Variants in IRAK4 observed in about 807,000 individuals in gnomAD.
The protein encoded by IRAK4 is interleukin-1 receptor-associated kinase 4.
A neutral mutation model predicts 51.8 loss-of-function variants in IRAK4; 44 were observed. The ratio of observed to expected loss-of-function variants is 0.85; its 90% CI spans 0.67 to 1.09. IRAK4 has a LOEUF of 1.09. Among genes scored for constraint, IRAK4 ranks in the 50% least tolerant of loss-of-function variants. IRAK4 has a pLI of 0.00. For missense variants in IRAK4, 487 were observed against 538.0 expected (o/e 0.91, Z 0.94); for synonymous variants, 149 against 174.1 (o/e 0.86, Z 1.13).
chr12:43,776,969 G>A lies in IRAK4; in HGVS notation c.717-661G>A, dbSNP rs61933172. Among the ~76,000 whole-genome samples, 556 of 152,244 alleles carry A rather than the reference G, an allele frequency of 3.7e-3. 2 individuals carry two copies. Among genetic ancestry groups the A allele is most frequent in the Admixed American group, 7.5e-3 (115 of 15,288 alleles). On this transcript the variant is annotated intron_variant, in intron 6 of 11. Transcript: ENST00000613694. Reference sequence around the variant, plus strand: ...GACAGTATTAGCATAAAAATTCAACGGACTTCTTGAAATCTTATTTGTGCC... The same window carrying A: ...GACAGTATTAGCATAAAAATTCAACAGACTTCTTGAAATCTTATTTGTGCC...
intron 1 of IRAK4, among the ~76,000 whole-genome samples, chr12:43,765,237 T>C (rs1291150360): frequency 2.0e-5 from 3 of 152,244 alleles, no homozygotes; most frequent in Non-Finnish European, 2.9e-5. Flanking sequence ...TAGTTGTCTA[T>C]GGTGTTCACT....
chr12:43,768,426 T>G, intron 2 of IRAK4, 154 bp downstream of exon 2: 1 of 609,300 alleles, frequency 1.6e-6, no homozygotes, highest in Non-Finnish European at 2.9e-6. Context: ...TGATTGTTCC[T>G]TTTGCAGTTT....
rs1388998649 is a variant in IRAK4, at chr12:43,768,150, C to A, written c.39C>A (p.Cys13Ter). 6.2e-7 allele frequency: 1 copy of A among 1,613,588 alleles called. No individual in the cohort carries two copies. The highest frequency in any genetic ancestry group is 8.5e-7 in the Non-Finnish European group (1 of 1,179,748). Residue 13 changes from cysteine to a stop codon, truncating the protein, a stop_gained, in exon 2 of 12, where the codon TGC (cysteine) becomes TGA (stop). Coordinates refer to ENST00000613694, the MANE Select transcript of IRAK4 (RefSeq NM_016123.4). LOFTEE classifies it high-confidence loss of function. The stretch of plus-strand genomic sequence containing the variant: ...TAACACCATCAACATATGTGCGCTG[C>A]CTCAATGTTGGACTAATTAGGAAGC... ...KPITPSTYVRCLNVGLIRKLS... is the reference protein window; with the variant it reads ...KPITPSTYVR
At chr12:43,779,774 A>G (rs1024257885) in intron 8 of IRAK4, among the ~76,000 whole-genome samples, 3 of 152,174 alleles carry the variant, frequency 2.0e-5, no homozygotes, top group Non-Finnish European at 4.4e-5. Context: ...TCTCTTTTGT[A>G]CATGTTGTGT....
intron 3 of IRAK4, 117 bp downstream of exon 3, chr12:43,771,482 A>G: frequency 9.2e-7 from 1 of 1,091,400 alleles, no homozygotes; most frequent in Non-Finnish European, 1.4e-6. Flanking sequence ...TACATTTGAG[A>G]GTCCCTTTCT....
chr12:43,759,524 G>A (rs1313069937), intron 1 of IRAK4: 4 of 152,256 alleles, frequency 2.6e-5, no homozygotes, highest in African/African-American at 9.7e-5. Flanking sequence ...TCGCAGATGG[G>A]GGAAAAAAGT....
At chr12:43,783,405 C>T (rs924338813) in intron 9 of IRAK4, among the ~76,000 whole-genome samples, 1 of 152,086 alleles carries the variant, frequency 6.6e-6, no homozygotes, top group Non-Finnish European at 1.5e-5. Context: ...GTAGCCTCAA[C>T]CTCCCAGGTT....
intron 6 of IRAK4, 33 bp from the exon 7 acceptor site, chr12:43,777,597 T>C (rs1592244679): frequency 6.4e-7 from 1 of 1,573,554 alleles, no homozygotes; most frequent in South Asian, 1.2e-5. Context: ...ATATTTATTA[T>C]AATAATTTTG....
At chr12:43,773,096 AAAG>A in intron 5 of IRAK4, 24 bp downstream of exon 5, 1 of 1,608,260 alleles carries the variant, frequency 6.2e-7, no homozygotes, top group East Asian at 2.2e-5. Flanking sequence ...TCAGGAATAA[AAAG>A]AAAGAGTTGC....
intron 5 of IRAK4, 56 bp from the exon 6 acceptor site, chr12:43,773,909 G>T: frequency 8.9e-7 from 1 of 1,125,320 alleles, no homozygotes; most frequent in South Asian, 1.3e-5. Context: ...TGATCCCTCT[G>T]AGCATTAGGA....
Position 43,772,336 on chromosome 12 carries a change from A to G in IRAK4, c.464A>G (p.Asn155Ser). The change falls in exon 4 of 12, where the codon AAT (asparagine) becomes AGT (serine). Residue 155 changes from asparagine (N) to serine (S), a missense_variant. Transcript: ENST00000613694. ...YMPPDSSSPE[N>S]KSLEVSDTRF... ...CCACCTGACTCCTCAAGTCCAGAAA[A>G]TAAAAGTTTAGAAGTTAGTGATACA... 1 of 1,613,304 alleles carries G rather than the reference A, an allele frequency of 6.2e-7. No individual in the cohort carries two copies. The highest frequency in any genetic ancestry group is 8.5e-7 in the Non-Finnish European group (1 of 1,179,934).
chr12:43,782,290 C>T lies in IRAK4; in HGVS notation c.942-17C>T, dbSNP rs899614885. The T allele has an allele frequency of 2.5e-6, 4 of 1,596,190 alleles. No individual in the cohort carries two copies. The African/African-American group carries it at 4.0e-5, about 16-fold the overall frequency. On this transcript the variant is annotated splice_polypyrimidine_tract_variant and intron_variant, in intron 8 of 11. Coordinates refer to ENST00000613694, the MANE Select transcript of IRAK4 (RefSeq NM_016123.4). ...TGGGAAAAACATTTTTTTCTTCAAA[C>T]TTTACATTTTTTTCAGTGCAAATAT... is the stretch of plus-strand genomic sequence containing the variant.
chr12:43,777,758 T>C lies in IRAK4; in HGVS notation c.831+14T>C. On this transcript the variant is annotated intron_variant, in intron 7 of 11. Transcript: ENST00000613694. Reference sequence around the variant, plus strand: ...CTCTCTTGCTTGGTAAGCTATTTGTTCATCAGATTGTTTGGCTTTTTGTTT... The same window carrying C: ...CTCTCTTGCTTGGTAAGCTATTTGTCCATCAGATTGTTTGGCTTTTTGTTT... 6.3e-7 allele frequency: 1 copy of C among 1,591,138 alleles called. No homozygotes were observed. The highest frequency in any genetic ancestry group is 8.6e-7 in the Non-Finnish European group (1 of 1,159,418).
intron 5 of IRAK4, 26 bp downstream of exon 5, chr12:43,773,098 A>G (rs749887773): frequency 5.0e-6 from 8 of 1,605,714 alleles, no homozygotes; most frequent in Non-Finnish European, 6.0e-6. Context: ...AGGAATAAAA[A>G]GAAAGAGTTG....
At chr12:43,762,516 C>G (rs182532373) in intron 1 of IRAK4, among the ~76,000 whole-genome samples, 10 of 152,128 alleles carry the variant, frequency 6.6e-5, no homozygotes, top group African/African-American at 2.4e-4. Flanking sequence ...TATAGGCAAC[C>G]TAGATACAAT....
At chr12:43,776,439 T>G (rs4251491) in intron 6 of IRAK4, among the ~76,000 whole-genome samples, 7,534 of 152,360 alleles carry the variant, frequency 0.049, 215 homozygotes, top group Middle Eastern at 0.13. Flanking sequence ...TAATTTGCAC[T>G]TCTTCAAATA....
intron 1 of IRAK4, among the ~76,000 whole-genome samples, chr12:43,761,350 C>T (rs774284877): frequency 1.3e-5 from 2 of 152,166 alleles, no homozygotes; most frequent in African/African-American, 2.4e-5. Context: ...GTTATTTGTA[C>T]GCTTTCAGTA....
chr12:43,786,316 A>G lies in IRAK4; in HGVS notation c.1189-83A>G. 9.4e-6 allele frequency: 8 copies of G among 853,962 alleles called. No individual in the cohort carries two copies. The African/African-American group carries it at 1.1e-4, about 11-fold the overall frequency. The allele number at this position is 853,962 out of a possible 1,614,324, so 52.9% of individuals were successfully genotyped here. On this transcript the variant is annotated intron_variant, in intron 10 of 11. Coordinates refer to ENST00000613694, the MANE Select transcript of IRAK4 (RefSeq NM_016123.4). Reference sequence around the variant, plus strand: ...GAGAGCACATGTTATTACAAAGTAGATTAATTTAAATAATTAAAATATATA... The same window carrying G: ...GAGAGCACATGTTATTACAAAGTAGGTTAATTTAAATAATTAAAATATATA...
At chr12:43,762,906 C>T (rs1426003305) in intron 1 of IRAK4, among the ~76,000 whole-genome samples, 1 of 152,158 alleles carries the variant, frequency 6.6e-6, no homozygotes, top group Non-Finnish European at 1.5e-5. Flanking sequence ...TGTATTTAAA[C>T]CTCTGCTTCC....
Sources: allele counts gnomAD v4.1 joint callset (sites outside exome capture counted in the v4.1 genomes callset), GRCh38; gene constraint gnomAD v4.1.1; transcripts MANE v1.5; gene names NCBI Gene and HGNC (gene_info 2026-07-23, HGNC 2026-07-21).